The following CNTNAP2 variants were observed in gnomAD, a reference collection of about 807,000 sequenced individuals.
The protein encoded by CNTNAP2 is contactin associated protein 2.
CNTNAP2 carries 98 observed loss-of-function variants against 155.2 expected under a neutral mutation model. That is an observed-to-expected ratio of 0.63 (90% CI 0.54 to 0.75). The LOEUF (loss-of-function observed/expected upper bound fraction) is 0.75. Among genes scored for constraint, CNTNAP2 ranks in the 30% least tolerant of loss-of-function variants. CNTNAP2 has a pLI of 0.00. For missense variants in CNTNAP2, 1,727 were observed against 1,688.1 expected (o/e 1.02, Z -0.40); for synonymous variants, 651 against 631.2 (o/e 1.03, Z -0.47).
At chr7:146,590,956 T>A (rs775620252) in intron 1 of CNTNAP2, among the ~76,000 whole-genome samples, 4 of 152,188 alleles carry the variant, frequency 2.6e-5, no homozygotes, top group Non-Finnish European at 5.9e-5. Flanking sequence ...AGTTCTGACA[T>A]GTGACTAAGC....
chr7:147,643,097 A>G (rs899745965), intron 13 of CNTNAP2, among the ~76,000 whole-genome samples: 13 of 151,638 alleles, frequency 8.6e-5, no homozygotes, highest in Admixed American at 3.9e-4. Flanking sequence ...CCCATGGGTA[A>G]TTCTGTGAAT....
intron 3 of CNTNAP2, among the ~76,000 whole-genome samples, chr7:146,850,958 A>G (rs1254944438): frequency 6.6e-6 from 1 of 151,996 alleles, no homozygotes; most frequent in East Asian, 1.9e-4. Context: ...TAGCGCTTGT[A>G]TATAAGATGT....
chr7:147,423,130 T>C (rs1199594490), intron 10 of CNTNAP2, among the ~76,000 whole-genome samples: 1 of 152,120 alleles, frequency 6.6e-6, no homozygotes, highest in Non-Finnish European at 1.5e-5. Context: ...GGTGGAGATA[T>C]AAGGACTTCT....
At chr7:146,120,004 T>G (rs1331370034) in intron 1 of CNTNAP2, among the ~76,000 whole-genome samples, 2 of 151,824 alleles carry the variant, frequency 1.3e-5, no homozygotes, top group African/African-American at 4.8e-5. Context: ...AATGTGTATA[T>G]TTATATATTT....
intron 13 of CNTNAP2, among the ~76,000 whole-genome samples, chr7:147,818,498 GC>G (rs1471993982): frequency 6.6e-6 from 1 of 152,142 alleles, no homozygotes; most frequent in Non-Finnish European, 1.5e-5. Context: ...AGTGATGGAT[GC>G]CCCGTGCACT....
intron 12 of CNTNAP2, among the ~76,000 whole-genome samples, chr7:147,620,773 A>G (rs1794829605): frequency 6.6e-6 from 1 of 152,110 alleles, no homozygotes; most frequent in Non-Finnish European, 1.5e-5. Context: ...AGGGAAATCT[A>G]AGAGTTATTG....
At chr7:147,880,747 GC>G (rs1208924788) in intron 13 of CNTNAP2, among the ~76,000 whole-genome samples, 8 of 152,062 alleles carry the variant, frequency 5.3e-5, no homozygotes, top group African/African-American at 1.9e-4. Flanking sequence ...ATCAAATGCT[GC>G]TGAGAGGTCT....
rs548004937 is a variant in CNTNAP2 at position 148,073,033 on chromosome 7, A to T, written c.2384-45085A>T. On this transcript the variant is annotated intron_variant, in intron 15 of 23. Transcript: ENST00000361727. ...TGTCTTTTGTATTTTAAGATGTGTC[A>T]TATCATCTCTGGCCTCTGCCTACTA... Among the ~76,000 whole-genome samples, 146 of 152,230 alleles carry T rather than the reference A, an allele frequency of 9.6e-4. 1 individual carries two copies. The highest frequency in any genetic ancestry group is 1.0e-4 in the Non-Finnish European group (7 of 68,014).
chr7:147,710,196 T>G (rs552121200), intron 13 of CNTNAP2, among the ~76,000 whole-genome samples: 1 of 152,324 alleles, frequency 6.6e-6, no homozygotes, highest in South Asian at 2.1e-4. Flanking sequence ...CATTTACAAC[T>G]CTTTATTGGT....
At chr7:147,602,168 G>A (rs1472051366) in intron 12 of CNTNAP2, among the ~76,000 whole-genome samples, 1 of 151,378 alleles carries the variant, frequency 6.6e-6, no homozygotes, top group African/African-American at 2.4e-5. Flanking sequence ...CATACAGTTG[G>A]GGTATTTATC....
chr7:146,122,918 T>C lies in CNTNAP2; in HGVS notation c.97+5945T>C, dbSNP rs1394749155. Among the ~76,000 whole-genome samples the C allele has an allele frequency of 2.0e-5, 3 of 152,224 alleles. No individual in the cohort carries two copies. The East Asian group carries it at 5.8e-4, about 29-fold the overall frequency. On this transcript the variant is annotated intron_variant, in intron 1 of 23. Transcript: ENST00000361727. ...TAAATGTTTTAAGCCAATTATTCTT[T>C]CCAACAAAGCATTTGCACTTAGAAA...
At chr7:146,999,201 G>T (rs1270228546) in intron 3 of CNTNAP2, among the ~76,000 whole-genome samples, 1 of 146,206 alleles carries the variant, frequency 6.8e-6, no homozygotes, top group Admixed American at 6.9e-5. Flanking sequence ...TCTTATTGTT[G>T]TAACAAGTTA....
At chr7:147,501,065 G>T (rs1798802113) in intron 11 of CNTNAP2, among the ~76,000 whole-genome samples, 1 of 151,982 alleles carries the variant, frequency 6.6e-6, no homozygotes, top group Admixed American at 6.6e-5. Flanking sequence ...CTGGATGCAA[G>T]GATGGTTTGA....
At chr7:147,566,908 G>A (rs1489242921) in intron 12 of CNTNAP2, among the ~76,000 whole-genome samples, 1 of 152,124 alleles carries the variant, frequency 6.6e-6, no homozygotes, top group Non-Finnish European at 1.5e-5. Flanking sequence ...AGAGCATTTG[G>A]GGGGCAAACA....
intron 1 of CNTNAP2, among the ~76,000 whole-genome samples, chr7:146,181,525 C>T (rs1798549181): frequency 6.6e-6 from 1 of 152,086 alleles, no homozygotes; most frequent in Non-Finnish European, 1.5e-5. Context: ...AACCGTGCCA[C>T]TTGATAATAC....
At chr7:147,446,574 A>G (rs1373522843) in intron 10 of CNTNAP2, among the ~76,000 whole-genome samples, 1 of 152,108 alleles carries the variant, frequency 6.6e-6, no homozygotes, top group East Asian at 1.9e-4. Flanking sequence ...CACGACTGCG[A>G]GAGGACCTAA....
At chr7:148,019,998 T>C (rs1445224090) in intron 15 of CNTNAP2, among the ~76,000 whole-genome samples, 1 of 152,136 alleles carries the variant, frequency 6.6e-6, no homozygotes, top group Non-Finnish European at 1.5e-5. Flanking sequence ...TTGGTCAGTC[T>C]GTTTTTGAAC....
intron 3 of CNTNAP2, among the ~76,000 whole-genome samples, chr7:147,028,019 G>A (rs1207870972): frequency 6.6e-6 from 1 of 152,166 alleles, no homozygotes; most frequent in African/African-American, 2.4e-5. Flanking sequence ...ACTTAGGGCT[G>A]GAGATGTGGA....
intron 13 of CNTNAP2, among the ~76,000 whole-genome samples, chr7:147,753,882 G>A (rs12540757): frequency 0.011 from 1,747 of 152,220 alleles, 96 homozygotes; most frequent in Admixed American, 0.088. Context: ...AATGGTTAAC[G>A]TGGATTAATA....
Sources: gnomAD v4.1 joint callset for allele counts (sites outside exome capture counted in the v4.1 genomes callset) on GRCh38, gnomAD v4.1.1 for gene constraint, MANE v1.5 for transcripts, NCBI Gene and HGNC (gene_info 2026-07-23, HGNC 2026-07-21) for gene names.